Variants in MMS19 observed in about 807,000 individuals in gnomAD.
MMS19 encodes MMS19 cytosolic iron-sulfur assembly component, also known as MMS19 nucleotide excision repair protein homolog.
MMS19 carries 77 observed loss-of-function variants against 129.8 expected under a neutral mutation model. That is an observed-to-expected ratio of 0.59 (90% CI 0.49 to 0.72). The LOEUF (loss-of-function observed/expected upper bound fraction) is 0.72, where lower values mean the gene tolerates loss of function less well. Ranked by LOEUF, MMS19 falls within the 30% of genes least tolerant of loss-of-function variation. The pLI, the probability that MMS19 is intolerant of heterozygous loss-of-function variation, is 0.00. For missense variants in MMS19, 1,168 were observed against 1,266.3 expected, an observed-to-expected ratio of 0.92 and a Z score of 1.18; for synonymous variants, 491 against 502.8, an observed-to-expected ratio of 0.98 and a Z score of 0.31.
chr10:97,481,426 T>C (rs563822967), intron 2 of MMS19, among the ~76,000 whole-genome samples: 2 of 152,286 alleles, frequency 1.3e-5, no homozygotes, highest in East Asian at 1.9e-4. Flanking sequence ...TGAGAGATGA[T>C]TGGCAGCTGC....
At chr10:97,470,046 T>A in intron 10 of MMS19, 83 bp downstream of exon 10, 1 of 1,000,822 alleles carries the variant, frequency 1.0e-6, no homozygotes, top group Non-Finnish European at 1.5e-6. Flanking sequence ...GAACTGTTCC[T>A]TGGCTATCCT....
intron 18 of MMS19, among the ~76,000 whole-genome samples, chr10:97,465,172 G>A (rs1435292481): frequency 6.6e-6 from 1 of 151,462 alleles, no homozygotes; most frequent in African/African-American, 2.4e-5. Context: ...ACCATGACCA[G>A]ATAATTTTTA....
At chr10:97,464,752 C>T (rs1448039516) in intron 18 of MMS19, among the ~76,000 whole-genome samples, 2 of 150,476 alleles carry the variant, frequency 1.3e-5, no homozygotes, top group Non-Finnish European at 2.9e-5. Flanking sequence ...GGCTGGAGTG[C>T]AATGGAGCGA....
chr10:97,472,927 A>G (rs2035032626), intron 8 of MMS19, among the ~76,000 whole-genome samples: 1 of 152,022 alleles, frequency 6.6e-6, no homozygotes, highest in African/African-American at 2.4e-5. Context: ...GTGCAATCAT[A>G]GTGCACTACA....
chr10:97,471,620 CAT>C (rs2034716771), intron 8 of MMS19, among the ~76,000 whole-genome samples: 1 of 152,094 alleles, frequency 6.6e-6, no homozygotes. Flanking sequence ...AAGTGATTCT[CAT>C]GTCTCAACCT....
intron 18 of MMS19, among the ~76,000 whole-genome samples, chr10:97,465,018 T>C (rs2033114321): frequency 1.3e-5 from 2 of 151,308 alleles, no homozygotes; most frequent in African/African-American, 2.4e-5. Context: ...ACTTTTTTTT[T>C]TCTTTTTTGA....
At chr10:97,458,977 T>A in intron 29 of MMS19, 77 bp from the exon 30 acceptor site, 2 of 1,420,878 alleles carry the variant, frequency 1.4e-6, no homozygotes, top group Non-Finnish European at 2.0e-6. Flanking sequence ...TCTGTACAAC[T>A]AATATTCTGA....
Position 97,465,859 on chromosome 10 carries a change from T to C in MMS19, c.1702A>G (p.Ile568Val), listed in dbSNP as rs1430060953. Residue 568 changes from isoleucine to valine, a missense_variant, in exon 18 of 31, where the codon ATC becomes GTC. Ile to Val is a conservative substitution (Grantham distance 29). Around this residue, in one of 3 missense-constraint regions of MMS19, gnomAD observed 831 missense variants for 910.8 expected, o/e 0.91. Coordinates refer to ENST00000438925, the MANE Select transcript of MMS19 (RefSeq NM_022362.5). ...ALSAVSTHPSIVKETLPLLLQ... is the reference protein window; with the variant it reads ...ALSAVSTHPSVVKETLPLLLQ... ...AGCAGAGGCAGTGTCTCCTTGACGATGCTGGGATGTGTTGATACAGCTGAC... is the reference window on the plus strand; with the variant it reads ...AGCAGAGGCAGTGTCTCCTTGACGACGCTGGGATGTGTTGATACAGCTGAC... 5.0e-6 allele frequency: 8 copies of C among 1,613,840 alleles called. No homozygotes were observed. Among genetic ancestry groups the C allele is most frequent in the African/African-American group, 4.0e-5 (3 of 74,938 alleles).
Position 97,458,405 on chromosome 10 carries a change from ACC to A in MMS19, c.*285_*286del. The A allele has an allele frequency of 4.8e-6, 2 of 420,694 alleles. No homozygotes were observed. Among genetic ancestry groups the A allele is most frequent in the Non-Finnish European group, 8.5e-6 (2 of 235,422 alleles). The allele number at this position is 420,694 out of a possible 1,614,324, so 26.1% of individuals were successfully genotyped here. A position where few individuals can be genotyped will look rare whatever the true frequency, so the allele number is the denominator to read the frequency against. On this transcript the variant is annotated 3_prime_UTR_variant, in exon 31 of 31. Coordinates refer to ENST00000438925, the MANE Select transcript of MMS19 (RefSeq NM_022362.5). ...CTCAGGGCCACACTCATATGCACTC[ACC>A]CCTCAGCAGCATATCGCCCCTTTTC...
chr10:97,467,599 G>A lies in MMS19; in HGVS notation c.1219-16C>T. On this transcript the variant is annotated splice_polypyrimidine_tract_variant and intron_variant, in intron 13 of 30. Transcript: ENST00000438925. ...GCTGGCTGCTCTGTAACGTTTCAAG[G>A]GGTACTAGAGTCAAAGAATATTTTA... 1 of 1,611,276 alleles carries A rather than the reference G, an allele frequency of 6.2e-7. No homozygotes were observed.
At position 97,459,861 on chromosome 10, in the gene MMS19, C is replaced by T. The variant is rs948958771; in HGVS notation, c.2657-120G>A. On this transcript the variant is annotated intron_variant, in intron 26 of 30. Coordinates refer to ENST00000438925, the MANE Select transcript of MMS19 (RefSeq NM_022362.5). The stretch of plus-strand genomic sequence containing the variant: ...TACAAACGGGTGAAAGAGCCCTTCA[C>T]GCTCAGAATAAGCAAGATACGCCCA... 50 of 1,003,636 alleles carry T rather than the reference C, an allele frequency of 5.0e-5. 1 individual carries two copies. Among genetic ancestry groups the T allele is most frequent in the Admixed American group, 9.2e-5 (4 of 43,620 alleles). 62.2% of individuals were successfully genotyped at this position (1,003,636 alleles called of 1,614,324 possible). A position where few individuals can be genotyped will look rare whatever the true frequency, so the allele number is the denominator to read the frequency against.
At chr10:97,479,536 C>A (rs781069176) in intron 3 of MMS19, among the ~76,000 whole-genome samples, 1 of 152,152 alleles carries the variant, frequency 6.6e-6, no homozygotes, top group Non-Finnish European at 1.5e-5. Context: ...GAAATTATTA[C>A]GTGCTGCATT....
chr10:97,469,621 G>A (rs145704546), intron 11 of MMS19, 25 bp downstream of exon 11: 596 of 1,580,974 alleles, frequency 3.8e-4, no homozygotes, highest in Non-Finnish European at 4.7e-4. Flanking sequence ...GTTAACAGTA[G>A]TGAGTTTATC....
chr10:97,492,031 C>G lies in MMS19; in HGVS notation c.112+6242G>C, dbSNP rs185183517. Among the ~76,000 whole-genome samples, 25 of 150,030 alleles carry G rather than the reference C, an allele frequency of 1.7e-4. No individual in the cohort carries two copies. The South Asian group carries it at 4.2e-3, about 25-fold the overall frequency. On this transcript the variant is annotated intron_variant, in intron 1 of 30. Coordinates refer to ENST00000438925, the MANE Select transcript of MMS19 (RefSeq NM_022362.5). Reference sequence around the variant, plus strand: ...CGCATGCCTGTAATCCTAGCTACTCCGAAGGCTGAGGCAGGAGAATCACCT... The same window carrying G: ...CGCATGCCTGTAATCCTAGCTACTCGGAAGGCTGAGGCAGGAGAATCACCT...
chr10:97,460,958 A>G lies in MMS19; in HGVS notation c.2361T>C (p.Ala787=). 1.3e-6 allele frequency: 2 copies of G among 1,577,564 alleles called. No individual in the cohort carries two copies. Among genetic ancestry groups the G allele is most frequent in the Non-Finnish European group, 1.7e-6 (2 of 1,161,046 alleles). ...FLQLAVDKVE[A]GLGSGPCRSQ... ...TACGACAGGGCCCAGAGCCCAGGCC[A>G]GCCTCCACTTTGTCCACAGCTAGCT... is the stretch of plus-strand genomic sequence containing the variant. The change falls in exon 24 of 31, where the codon GCT becomes GCC. Residue 787 remains alanine (A), a synonymous_variant. Transcript: ENST00000438925.
chr10:97,458,418 A>G lies in MMS19; in HGVS notation c.*274T>C, dbSNP rs553527924. 1.0e-4 allele frequency: 47 copies of G among 468,114 alleles called. 1 individual carries two copies. The highest frequency in any genetic ancestry group is 1.7e-4 in the Non-Finnish European group (45 of 263,102). The allele number at this position is 468,114 out of a possible 1,614,324, so 29.0% of individuals were successfully genotyped here. ...TCATATGCACTCACCCCTCAGCAGCATATCGCCCCTTTTCTGACATATAAA... is the reference window on the plus strand; with the variant it reads ...TCATATGCACTCACCCCTCAGCAGCGTATCGCCCCTTTTCTGACATATAAA... On this transcript the variant is annotated 3_prime_UTR_variant, in exon 31 of 31. Transcript: ENST00000438925.
chr10:97,460,141 C>G lies in MMS19; in HGVS notation c.2561G>C (p.Arg854Pro). 6.2e-7 allele frequency: 1 copy of G among 1,613,972 alleles called. No individual in the cohort carries two copies. Among genetic ancestry groups the G allele is most frequent in the Non-Finnish European group, 8.5e-7 (1 of 1,179,880 alleles). ...LMSDCTDVLT[R>P]AGHAEVRIMF... is the part of the protein sequence containing the mutation. ...GATCCGCACTTCGGCATGGCCAGCA[C>G]GAGTCAGCACATCAGTGCAGTCAGA... The change falls in exon 26 of 31, where the codon CGT becomes CCT. Residue 854 changes from arginine (R) to proline (P), a missense_variant. By Grantham distance (103) the Arg-to-Pro change is moderately radical. Transcript: ENST00000438925.
intron 2 of MMS19, among the ~76,000 whole-genome samples, chr10:97,482,733 T>G (rs1333548493): frequency 8.8e-6 from 1 of 114,266 alleles, no homozygotes; most frequent in Non-Finnish European, 1.9e-5. Context: ...TGTGTGTATA[T>G]ATATACACAC....
rs376884706 is a variant in MMS19 at position 97,459,515 on chromosome 10, C to T, written c.2751G>A (p.Leu917=). 345 of 1,612,464 alleles carry T rather than the reference C, an allele frequency of 2.1e-4. No individual in the cohort carries two copies. Among genetic ancestry groups the T allele is most frequent in the Non-Finnish European group, 2.9e-4 (341 of 1,179,040 alleles). ...LLPELPTLLS[L]LLEALSCPDC... ...CAGGGCAGGACAGGGCCTCCAGCAG[C>T]AAGGAAAGAAGCTAAGGGGCAATGG... Residue 917 remains leucine, a synonymous_variant, in exon 28 of 31, where the codon TTG becomes TTA. Coordinates refer to ENST00000438925, the MANE Select transcript of MMS19 (RefSeq NM_022362.5).
Sources: allele counts gnomAD v4.1 joint callset (sites outside exome capture counted in the v4.1 genomes callset), GRCh38; gene constraint gnomAD v4.1.1; regional missense constraint gnomAD v4.1.1; transcripts MANE v1.5; gene names NCBI Gene and HGNC (gene_info 2026-07-23, HGNC 2026-07-21).